Variants in DYM observed in about 807,000 individuals in gnomAD.
DYM encodes dymeclin.
DYM carries 78 observed loss-of-function variants against 93.1 expected under a neutral mutation model. The ratio of observed to expected loss-of-function variants is 0.84; its 90% confidence interval spans 0.70 to 1.01. The LOEUF is 1.01. DYM is among the 50% of genes least tolerant of loss of function. DYM has a pLI of 0.00. For synonymous variants in DYM, 321 were observed against 319.7 expected (o/e 1.00, Z -0.04); for missense variants, 789 against 845.0 (o/e 0.93, Z 0.82).
At chr18:49,080,705 C>G (rs1365978315) in intron 17 of DYM, among the ~76,000 whole-genome samples, 1 of 143,308 alleles carries the variant, frequency 7.0e-6, no homozygotes, top group Admixed American at 6.8e-5. Context: ...ACTTCCCAGA[C>G]GGGGTGGCTG....
intron 2 of DYM, among the ~76,000 whole-genome samples, chr18:49,409,573 A>G (rs961472803): frequency 3.9e-5 from 6 of 152,190 alleles, no homozygotes; most frequent in Non-Finnish European, 7.3e-5. Context: ...CCCTTCATTC[A>G]TCAACAGAGT....
chr18:49,195,279 A>G (rs2091336147), intron 14 of DYM, among the ~76,000 whole-genome samples: 1 of 152,202 alleles, frequency 6.6e-6, no homozygotes, highest in Non-Finnish European at 1.5e-5. Context: ...TTGATGCATT[A>G]TAACTGTACA....
chr18:49,066,485 G>A (rs753735470), intron 17 of DYM, among the ~76,000 whole-genome samples: 20 of 152,184 alleles, frequency 1.3e-4, no homozygotes, highest in Non-Finnish European at 2.8e-4. Context: ...TTGCCTGAAT[G>A]TACCACAACT....
chr18:49,232,568 C>T (rs559420661), intron 13 of DYM, among the ~76,000 whole-genome samples: 3 of 146,304 alleles, frequency 2.1e-5, no homozygotes, highest in East Asian at 2.0e-4. Context: ...CTCCAAAGTG[C>T]TGGGATTACA....
chr18:49,069,930 A>C (rs982831539), intron 17 of DYM, among the ~76,000 whole-genome samples: 1 of 152,156 alleles, frequency 6.6e-6, no homozygotes, highest in Non-Finnish European at 1.5e-5. Context: ...AATCCCAGCT[A>C]CTCGGGAGGC....
intron 15 of DYM, among the ~76,000 whole-genome samples, chr18:49,148,842 A>G (rs1356685693): frequency 6.6e-6 from 1 of 152,218 alleles, no homozygotes; most frequent in Non-Finnish European, 1.5e-5. Flanking sequence ...TTATTAGAGT[A>G]GCACCAGGGA....
intron 17 of DYM, among the ~76,000 whole-genome samples, chr18:49,047,699 T>G (rs1451004834): frequency 1.3e-5 from 2 of 152,072 alleles, no homozygotes; most frequent in Non-Finnish European, 2.9e-5. Flanking sequence ...CCTCATACAC[T>G]GTGTTGATTC....
At chr18:49,061,841 A>G (rs1254924075) in intron 17 of DYM, among the ~76,000 whole-genome samples, 2 of 152,252 alleles carry the variant, frequency 1.3e-5, no homozygotes, top group Non-Finnish European at 2.9e-5. Context: ...TAAATAGTCA[A>G]ACTTCATATG....
In DYM at chr18:49,043,848, C is replaced by G; in HGVS notation, c.*207G>C. The stretch of plus-strand genomic sequence containing the variant: ...TTATTATTGTTGTGTATTTCCTCCC[C>G]TTTTTGCAATACTATCTACGCTGAG... On this transcript the variant is annotated 3_prime_UTR_variant, in exon 18 of 18. Coordinates refer to ENST00000675505, the MANE Select transcript of DYM (RefSeq NM_001353214.3). 1.6e-6 allele frequency: 1 copy of G among 632,338 alleles called. No individual in the cohort carries two copies. The highest frequency in any genetic ancestry group is 2.0e-5 in the South Asian group (1 of 51,274). 39.2% of individuals were successfully genotyped at this position (632,338 alleles called of 1,614,324 possible). A position where few individuals can be genotyped will look rare whatever the true frequency, so the allele number is the denominator to read the frequency against.
chr18:49,265,536 T>C (rs1568132540), intron 11 of DYM, among the ~76,000 whole-genome samples: 1 of 152,048 alleles, frequency 6.6e-6, no homozygotes, highest in Non-Finnish European at 1.5e-5. Flanking sequence ...CCCAGCACTT[T>C]GGGAGGCTGA....
chr18:49,128,055 G>C (rs1365904606), intron 15 of DYM, among the ~76,000 whole-genome samples: 2 of 152,184 alleles, frequency 1.3e-5, no homozygotes, highest in Non-Finnish European at 2.9e-5. Context: ...TACTGCAAAG[G>C]CACTGGAGGC....
chr18:49,457,538 A>T (rs1380532456), intron 1 of DYM, among the ~76,000 whole-genome samples: 1 of 152,206 alleles, frequency 6.6e-6, no homozygotes, highest in Admixed American at 6.5e-5. Context: ...TCTTCTCTAG[A>T]TCTAACCATT....
chr18:49,443,563 C>T (rs909750315), intron 1 of DYM, among the ~76,000 whole-genome samples: 2 of 152,142 alleles, frequency 1.3e-5, no homozygotes, highest in Non-Finnish European at 2.9e-5. Context: ...TATGTAAAAG[C>T]ATCACGAAGC....
At chr18:49,348,292 T>A (rs2064783066) in intron 6 of DYM, among the ~76,000 whole-genome samples, 1 of 152,122 alleles carries the variant, frequency 6.6e-6, no homozygotes, top group Admixed American at 6.5e-5. Flanking sequence ...CATGCCAACA[T>A]GGAGATTCTA....
rs189818765 is a variant in DYM, at chr18:49,427,686, C to A, written c.140+2569G>T. The stretch of plus-strand genomic sequence containing the variant: ...TCTGAATGAACAAAATGTACTATAT[C>A]CATACAATGGAGTATCACTCAACAA... On this transcript the variant is annotated intron_variant, in intron 2 of 17. Transcript: ENST00000675505. Among the ~76,000 whole-genome samples, 173 of 152,236 alleles carry A rather than the reference C, an allele frequency of 1.1e-3. 2 individuals carry two copies. The highest frequency in any genetic ancestry group is 4.1e-3 in the African/African-American group (169 of 41,534).
At chr18:49,273,550 A>G (rs1189694028) in intron 10 of DYM, among the ~76,000 whole-genome samples, 1 of 152,104 alleles carries the variant, frequency 6.6e-6, no homozygotes, top group African/African-American at 2.4e-5. Context: ...ACAACATCAT[A>G]TTTTTACTGT....
At chr18:49,207,639 A>T (rs1194614414) in intron 14 of DYM, among the ~76,000 whole-genome samples, 2 of 152,216 alleles carry the variant, frequency 1.3e-5, no homozygotes, top group African/African-American at 4.8e-5. Flanking sequence ...ATTCTGTCTG[A>T]AGACCACAGC....
intron 13 of DYM, among the ~76,000 whole-genome samples, chr18:49,241,139 CA>C (rs2093998596): frequency 6.6e-6 from 1 of 152,180 alleles, no homozygotes; most frequent in South Asian, 2.1e-4. Context: ...CTGTGGCCCA[CA>C]GAACACACTT....
chr18:49,260,916 A>G (rs925183918), intron 11 of DYM, among the ~76,000 whole-genome samples: 2 of 152,088 alleles, frequency 1.3e-5, no homozygotes, highest in Admixed American at 6.6e-5. Context: ...CCTCCTCAAC[A>G]CAGTAACAGC....
Sources: gnomAD v4.1 joint callset for allele counts (sites outside exome capture counted in the v4.1 genomes callset) on GRCh38, gnomAD v4.1.1 for gene constraint, MANE v1.5 for transcripts, NCBI Gene and HGNC (gene_info 2026-07-23, HGNC 2026-07-21) for gene names.